AGXT2: variants seen among roughly 807,000 people sequenced by gnomAD.
AGXT2 encodes alanine--glyoxylate aminotransferase 2, also known as alanine--glyoxylate aminotransferase 2, mitochondrial.
Under a neutral mutation model 62.5 loss-of-function variants are expected in AGXT2, and 61 were observed. The ratio of observed to expected loss-of-function variants is 0.98; its 90% CI spans 0.79 to 1.21. AGXT2 has a LOEUF of 1.21. Ranked by LOEUF, AGXT2 falls within the 50% of genes most tolerant of loss-of-function variation. The probability of loss-of-function intolerance (pLI) is 0.00; values close to 1 mark genes in which losing one functional copy is unlikely to be tolerated. For synonymous variants in AGXT2, 243 were observed against 218.7 expected (o/e 1.11, Z -0.98); for missense variants, 666 against 641.5 (o/e 1.04, Z -0.41).
chr5:35,011,475 A>C (rs1766637324), intron 11 of AGXT2, among the ~76,000 whole-genome samples: 1 of 152,020 alleles, frequency 6.6e-6, no homozygotes, highest in East Asian at 1.9e-4. Flanking sequence ...AAAAAAAAAA[A>C]AAAAATTGGC....
At chr5:35,014,710 C>G (rs147564371) in intron 9 of AGXT2, among the ~76,000 whole-genome samples, 2 of 152,278 alleles carry the variant, frequency 1.3e-5, no homozygotes, top group South Asian at 4.1e-4. Flanking sequence ...CAATATGTCA[C>G]AGGCTCCATG....
chr5:35,033,235 A>T (rs887758864), intron 6 of AGXT2: 1 of 544,196 alleles, frequency 1.8e-6, no homozygotes, highest in African/African-American at 1.9e-5. Context: ...GATTTTATTT[A>T]AAAGCAAAAT....
chr5:35,033,913 G>A (rs1767674513), intron 5 of AGXT2, among the ~76,000 whole-genome samples: 2 of 151,980 alleles, frequency 1.3e-5, no homozygotes, highest in Non-Finnish European at 2.9e-5. Flanking sequence ...GCTTTGGGAA[G>A]CCAAATATTT....
chr5:35,012,667 A>G lies in AGXT2; in HGVS notation c.1188+287T>C. The G allele has an allele frequency of 7.2e-6, 3 of 415,250 alleles. 1 individual carries two copies. Among genetic ancestry groups the G allele is most frequent in the South Asian group, 7.1e-5 (3 of 42,108 alleles). The allele number at this position is 415,250 out of a possible 1,614,324, so 25.7% of individuals were successfully genotyped here. On this transcript the variant is annotated intron_variant, in intron 11 of 13. Coordinates refer to ENST00000231420, the MANE Select transcript of AGXT2 (RefSeq NM_031900.4). Reference sequence around the variant, plus strand: ...GGATAGCAGTTAACATCTATAAATCACTACCAAGATAACAAAGAAATTTCA... The same window carrying G: ...GGATAGCAGTTAACATCTATAAATCGCTACCAAGATAACAAAGAAATTTCA...
At chr5:35,006,744 C>T (rs1766439401) in intron 12 of AGXT2, among the ~76,000 whole-genome samples, 1 of 152,076 alleles carries the variant, frequency 6.6e-6, no homozygotes, top group African/African-American at 2.4e-5. Context: ...AATTACTGTC[C>T]AAAGGGCTGT....
chr5:35,003,931 G>A, intron 12 of AGXT2, 70 bp from the exon 13 acceptor site: 1 of 1,454,052 alleles, frequency 6.9e-7, no homozygotes, highest in African/African-American at 1.4e-5. Context: ...TGCAAGAGAG[G>A]AAAAAAGAAA....
In AGXT2 at chr5:35,037,011, G is replaced by A. The variant is rs766123811; in HGVS notation, c.417C>T (p.Thr139=). The change falls in exon 4 of 14, where the codon ACC becomes ACT. Residue 139 remains threonine (T), a synonymous_variant. Coordinates refer to ENST00000231420, the MANE Select transcript of AGXT2 (RefSeq NM_031900.4). ...KQLGRLWHTS[T]VFFHPPMHEY... ...CATGCATTGGAGGGTGGAAGAAGACGGTGCTTGTATGCCACAGGCGGCCGA... is the reference window on the plus strand; with the variant it reads ...CATGCATTGGAGGGTGGAAGAAGACAGTGCTTGTATGCCACAGGCGGCCGA... The A allele has an allele frequency of 7.4e-6, 12 of 1,614,080 alleles. No individual in the cohort carries two copies. Among genetic ancestry groups the A allele is most frequent in the Middle Eastern group, 1.6e-4 (1 of 6,080 alleles).
intron 11 of AGXT2, chr5:35,012,669 T>C: frequency 7.1e-6 from 3 of 422,246 alleles, no homozygotes; most frequent in South Asian, 2.3e-5. Context: ...TATAAATCAC[T>C]ACCAAGATAA....
intron 11 of AGXT2, among the ~76,000 whole-genome samples, chr5:35,011,111 C>T (rs982737945): frequency 6.6e-6 from 1 of 152,160 alleles, no homozygotes; most frequent in Non-Finnish European, 1.5e-5. Flanking sequence ...TTTTTATAGA[C>T]CTATTTGTTC....
chr5:34,998,677 G>A lies in AGXT2; in HGVS notation c.*42C>T. On this transcript the variant is annotated 3_prime_UTR_variant, in exon 14 of 14. Coordinates refer to ENST00000231420, the MANE Select transcript of AGXT2 (RefSeq NM_031900.4). ...TCAAATTCACCCTTGAACATACGTGGCAAATTCTTGAGACTTGTGGTTTTA... is the reference window on the plus strand; with the variant it reads ...TCAAATTCACCCTTGAACATACGTGACAAATTCTTGAGACTTGTGGTTTTA... 2 of 1,520,846 alleles carry A rather than the reference G, an allele frequency of 1.3e-6. No individual in the cohort carries two copies. The highest frequency in any genetic ancestry group is 1.4e-5 in the African/African-American group (1 of 73,182). The allele number at this position is 1,520,846 out of a possible 1,614,324, so 94.2% of individuals were successfully genotyped here. A position where few individuals can be genotyped will look rare whatever the true frequency, so the allele number is the denominator to read the frequency against.
chr5:35,026,465 G>C lies in AGXT2; in HGVS notation c.815C>G (p.Thr272Arg), dbSNP rs572826520. The part of the protein sequence containing the change: ...KDQYIEQFKD[T>R]LSTSVAKSIA... ...TGACTTGGCCACAGATGTGCTCAGCGTATCTTTGAATTGCTCAATATACTG... is the reference window on the plus strand; with the variant it reads ...TGACTTGGCCACAGATGTGCTCAGCCTATCTTTGAATTGCTCAATATACTG... Residue 272 changes from threonine to arginine, a missense_variant, in exon 8 of 14, where the codon ACG (threonine) becomes AGG (arginine). Transcript: ENST00000231420. 1.2e-5 allele frequency: 19 copies of C among 1,613,810 alleles called. No homozygotes were observed. The South Asian group carries it at 1.2e-4, about 10-fold the overall frequency.
At chr5:35,010,939 C>A (rs1035121007) in intron 11 of AGXT2, among the ~76,000 whole-genome samples, 1 of 152,204 alleles carries the variant, frequency 6.6e-6, no homozygotes, top group African/African-American at 2.4e-5. Context: ...GAGGCTCTGG[C>A]CTCTTTGGCT....
At chr5:35,030,537 A>G (rs1201508842) in intron 7 of AGXT2, among the ~76,000 whole-genome samples, 2 of 152,124 alleles carry the variant, frequency 1.3e-5, no homozygotes, top group African/African-American at 4.8e-5. Context: ...ATAAAAAAGA[A>G]AACAACTGAC....
chr5:35,035,599 C>CA (rs1767731450), intron 4 of AGXT2, among the ~76,000 whole-genome samples: 1 of 16,728 alleles, frequency 6.0e-5, no homozygotes, highest in Admixed American at 7.4e-4. Flanking sequence ...TGCAAAATGC[C>CA]AAGGGAGACT....
intron 7 of AGXT2, among the ~76,000 whole-genome samples, chr5:35,027,516 C>T (rs1038559736): frequency 3.3e-5 from 5 of 152,074 alleles, no homozygotes; most frequent in African/African-American, 9.7e-5. Context: ...CTATCCCTTT[C>T]GCATATTTTC....
At chr5:35,026,189 G>A in intron 8 of AGXT2, 1 of 607,694 alleles carries the variant, frequency 1.6e-6, no homozygotes, top group Non-Finnish European at 2.9e-6. Context: ...AAGAATTTTA[G>A]GAGTTCGGTA....
rs37370 is a variant in AGXT2, at chr5:35,039,381, C to T, written c.305G>A (p.Ser102Asn). The change falls in exon 3 of 14, where the codon AGC (serine) becomes AAC (asparagine). Residue 102 changes from serine (S) to asparagine (N), a missense_variant. Transcript: ENST00000231420. ...HMEWLFDAEG[S>N]RYLDFFSGIV... Reference sequence around the variant, plus strand: ...CCCGGAAAAGAAATCCAGGTATCTGCTTCCTTCAGCATCAAAGAGCCACTC... The same window carrying T: ...CCCGGAAAAGAAATCCAGGTATCTGTTTCCTTCAGCATCAAAGAGCCACTC... 1,421,086 of 1,613,970 alleles carry T rather than the reference C, an allele frequency of 0.88. 630,929 individuals are homozygous for T. The highest frequency in any genetic ancestry group is 0.98 in the African/African-American group (73,198 of 75,042).
At chr5:35,028,846 C>T (rs1767463451) in intron 7 of AGXT2, among the ~76,000 whole-genome samples, 1 of 152,184 alleles carries the variant, frequency 6.6e-6, no homozygotes, top group Non-Finnish European at 1.5e-5. Context: ...ACAGGGCTCC[C>T]CACCTACCAT....
intron 13 of AGXT2, among the ~76,000 whole-genome samples, chr5:34,999,461 G>C (rs533939932): frequency 6.6e-6 from 1 of 152,084 alleles, no homozygotes; most frequent in South Asian, 2.1e-4. Flanking sequence ...TTTTTCTGCT[G>C]CACCCACACC....
Sources: allele counts gnomAD v4.1 joint callset (sites outside exome capture counted in the v4.1 genomes callset), GRCh38; gene constraint gnomAD v4.1.1; transcripts MANE v1.5; gene names NCBI Gene and HGNC (gene_info 2026-07-23, HGNC 2026-07-21).